Variants in BACH2 observed in about 807,000 individuals in gnomAD.
BACH2 encodes the protein transcription regulator protein BACH2.
BACH2 carries 5 observed loss-of-function variants against 61.8 expected under a neutral mutation model. The observed-to-expected ratio is 0.08, with a 90% CI of 0.04 to 0.17. BACH2 has a LOEUF of 0.17. Ranked by LOEUF, BACH2 falls within the 10% of genes least tolerant of loss-of-function variation. The pLI is 1.00. For synonymous variants in BACH2, 446 were observed against 440.1 expected (o/e 1.01, Z -0.17); for missense variants, 824 against 1,091.1 (o/e 0.76, Z 3.45).
At position 89,951,653 on chromosome 6, in the gene BACH2, G is replaced by A. The variant is rs1457671299; in HGVS notation, c.453C>T (p.Arg151=). Residue 151 remains arginine (R), a synonymous_variant, in exon 7 of 9, where the codon CGC becomes CGT. Transcript: ENST00000257749. This position sits in a 1 kb window ranked among gnomAD's most constrained non-coding sequence, Gnocchi z 6.4. Reference sequence around the variant, plus strand: ...CAGAGTTCTCGCAGTCCTCGTGTGGGCGCTGGCACGCAGCATCCTTCCGGC... The same window carrying A: ...CAGAGTTCTCGCAGTCCTCGTGTGGACGCTGGCACGCAGCATCCTTCCGGC... The part of the protein sequence containing the change: ...FVCRKDAACQ[R]PHEDCENSAG... 6.2e-7 allele frequency: 1 copy of A among 1,614,100 alleles called. No homozygotes were observed. The highest frequency in any genetic ancestry group is 1.3e-5 in the African/African-American group (1 of 74,928).
intron 4 of BACH2, among the ~76,000 whole-genome samples, chr6:90,179,072 G>A (rs764645390): frequency 5.3e-5 from 8 of 152,076 alleles, no homozygotes; most frequent in Non-Finnish European, 8.8e-5. Flanking sequence ...GAACTGCCCC[G>A]AATCACATTG....
intron 4 of BACH2, among the ~76,000 whole-genome samples, chr6:90,186,029 T>A (rs1249420167): frequency 1.3e-5 from 2 of 152,184 alleles, no homozygotes; most frequent in Non-Finnish European, 2.9e-5. Flanking sequence ...AAAATTTTTT[T>A]GCAGCATATA....
intron 5 of BACH2, among the ~76,000 whole-genome samples, chr6:90,063,382 C>G (rs1357095572): frequency 6.6e-6 from 1 of 152,118 alleles, no homozygotes; most frequent in East Asian, 1.9e-4. Flanking sequence ...CATCACATTA[C>G]ATTATGTTAT....
chr6:90,159,897 A>C (rs188182728), intron 4 of BACH2, among the ~76,000 whole-genome samples: 2 of 152,220 alleles, frequency 1.3e-5, no homozygotes, highest in African/African-American at 4.8e-5. Context: ...AAAACTGACA[A>C]TAAAAGATTA....
chr6:90,023,585 T>C (rs540741762), intron 5 of BACH2, among the ~76,000 whole-genome samples: 2 of 152,322 alleles, frequency 1.3e-5, no homozygotes, highest in South Asian at 4.1e-4. Context: ...TATTTCTTTA[T>C]AGCAGTGTGA....
chr6:89,965,126 A>T (rs969189829), intron 6 of BACH2, among the ~76,000 whole-genome samples: 4 of 152,142 alleles, frequency 2.6e-5, no homozygotes, highest in Non-Finnish European at 4.4e-5. Flanking sequence ...ACCTCAAGTA[A>T]TCCACCCGCC....
chr6:90,186,299 C>A (rs527666283), intron 4 of BACH2, among the ~76,000 whole-genome samples: 3 of 152,212 alleles, frequency 2.0e-5, no homozygotes, highest in Non-Finnish European at 2.9e-5. Flanking sequence ...ACCACTCTTA[C>A]AACACTAGAG....
intron 5 of BACH2, among the ~76,000 whole-genome samples, chr6:90,062,522 G>A (rs1450225048): frequency 2.0e-5 from 3 of 152,178 alleles, no homozygotes; most frequent in Non-Finnish European, 4.4e-5. Flanking sequence ...CTTCTAGGAT[G>A]CTGTCACAAT....
At chr6:90,239,789 G>T (rs1030383933) in intron 3 of BACH2, among the ~76,000 whole-genome samples, 2 of 136,854 alleles carry the variant, frequency 1.5e-5, no homozygotes, top group Non-Finnish European at 3.1e-5. Context: ...CATAGTAAGG[G>T]GGGGGGAATA....
At chr6:89,982,258 C>T (rs1775996985) in intron 6 of BACH2, among the ~76,000 whole-genome samples, 1 of 151,928 alleles carries the variant, frequency 6.6e-6, no homozygotes, top group South Asian at 2.1e-4. Context: ...AAATATAGAG[C>T]AGGGAAGATG....
At position 90,270,108 on chromosome 6, in the gene BACH2, C is replaced by T. The variant is rs535392806; in HGVS notation, c.-353+1741G>A. 2.5e-3 allele frequency among the ~76,000 whole-genome samples: 381 copies of T among 152,280 alleles called. 4 individuals are homozygous for T. The highest frequency in any genetic ancestry group is 8.7e-3 in the African/African-American group (360 of 41,576). ...AGTATTTCATGATGTATATATACCA[C>T]ATTTTCTTTATCCACTCATTGGTTG... On this transcript the variant is annotated intron_variant, in intron 2 of 8. Transcript: ENST00000257749.
intron 1 of BACH2, among the ~76,000 whole-genome samples, chr6:90,278,408 C>T (rs574278990): frequency 1.6e-4 from 24 of 152,364 alleles, no homozygotes; most frequent in Admixed American, 4.6e-4. Flanking sequence ...CTTTCCAGGC[C>T]GTGGAGACCT....
intron 7 of BACH2, among the ~76,000 whole-genome samples, chr6:89,945,632 T>C (rs1425476653): frequency 2.6e-5 from 4 of 152,216 alleles, no homozygotes; most frequent in African/African-American, 9.6e-5. Context: ...ATAGTGGTGA[T>C]GGTTGTACAA....
At chr6:89,952,535 A>C (rs570995088) in intron 6 of BACH2, among the ~76,000 whole-genome samples, 2 of 152,312 alleles carry the variant, frequency 1.3e-5, no homozygotes, top group East Asian at 3.9e-4. Context: ...AGATGAAATC[A>C]ACCCCTGGCC....
At chr6:89,989,797 G>A (rs576727393) in intron 6 of BACH2, among the ~76,000 whole-genome samples, 2 of 152,292 alleles carry the variant, frequency 1.3e-5, no homozygotes, top group African/African-American at 4.8e-5. Context: ...ATTATTTTAA[G>A]AGCAGTCTCT....
At chr6:90,033,873 T>G (rs1257994578) in intron 5 of BACH2, among the ~76,000 whole-genome samples, 1 of 152,200 alleles carries the variant, frequency 6.6e-6, no homozygotes, top group Admixed American at 6.6e-5. Context: ...GAGCTTTTAC[T>G]GGTTACCTAG....
intron 6 of BACH2, among the ~76,000 whole-genome samples, chr6:89,959,097 G>GCACA (rs60175244): frequency 0.026 from 3,555 of 134,324 alleles, 79 homozygotes; most frequent in Admixed American, 0.054. Flanking sequence ...ATGCACAAGT[G>GCACA]CACACACACA....
intron 6 of BACH2, among the ~76,000 whole-genome samples, chr6:89,958,184 T>A (rs1484643088): frequency 6.6e-6 from 1 of 152,244 alleles, no homozygotes; most frequent in Non-Finnish European, 1.5e-5. Flanking sequence ...TCTCACTATG[T>A]TGTCCAGGCT....
At position 90,181,456 on chromosome 6, in the gene BACH2, G is replaced by A. The variant is rs559784033; in HGVS notation, c.-162+25113C>T. On this transcript the variant is annotated intron_variant, in intron 4 of 8. Coordinates refer to ENST00000257749, the MANE Select transcript of BACH2 (RefSeq NM_021813.4). ...GAGTGATCCAGACAAAAGAGGAAAAGTTGTTGTTTTTTTTTTAAAAATGGG... is the reference window on the plus strand; with the variant it reads ...GAGTGATCCAGACAAAAGAGGAAAAATTGTTGTTTTTTTTTTAAAAATGGG... Among the ~76,000 whole-genome samples, 27 of 151,652 alleles carry A rather than the reference G, an allele frequency of 1.8e-4. No homozygotes were observed. The East Asian group carries it at 5.2e-3, about 29-fold the overall frequency.
Sources: gnomAD v4.1 joint callset for allele counts (sites outside exome capture counted in the v4.1 genomes callset) on GRCh38, gnomAD v4.1.1 for gene constraint, Gnocchi (gnomAD v3.1) non-coding constraint, MANE v1.5 for transcripts, NCBI Gene and HGNC (gene_info 2026-07-23, HGNC 2026-07-21) for gene names.